KIF1B: variants seen among roughly 807,000 people sequenced by gnomAD.
KIF1B encodes the protein kinesin-like protein KIF1B.
KIF1B carries 76 observed loss-of-function variants against 241.9 expected under a neutral mutation model. That is an observed-to-expected ratio of 0.31 (90% CI 0.26 to 0.38). KIF1B has a LOEUF of 0.38. Ranked by LOEUF, KIF1B falls within the 10% of genes least tolerant of loss-of-function variation. The probability of loss-of-function intolerance (pLI) is 1.00; values close to 1 mark genes in which losing one functional copy is unlikely to be tolerated. For missense variants in KIF1B, 1,622 were observed against 2,271.4 expected, an observed-to-expected ratio of 0.71 and a Z score of 5.81; for synonymous variants, 750 against 796.7, an observed-to-expected ratio of 0.94 and a Z score of 0.99.
intron 16 of KIF1B, 89 bp from the exon 17 acceptor site, chr1:10,291,957 TG>T: frequency 9.2e-7 from 1 of 1,082,894 alleles, no homozygotes; most frequent in East Asian, 2.4e-5. Context: ...CAGTTGTTTT[TG>T]CTTTGCAGGC....
chr1:10,232,120 A>G, intron 1 of KIF1B, 130 bp from the exon 2 acceptor site: 1 of 533,064 alleles, frequency 1.9e-6, no homozygotes, highest in Non-Finnish European at 3.4e-6. Flanking sequence ...TTTGCACGGG[A>G]GAAAAGGGAT....
intron 1 of KIF1B, among the ~76,000 whole-genome samples, chr1:10,215,019 A>G (rs1168337179): frequency 2.0e-5 from 3 of 151,248 alleles, no homozygotes; most frequent in Non-Finnish European, 4.4e-5. Flanking sequence ...GTATGTACAT[A>G]ATACTGTACT....
At chr1:10,234,513 T>TTTTG (rs35282199) in intron 2 of KIF1B, among the ~76,000 whole-genome samples, 51,943 of 150,540 alleles carry the variant, frequency 0.35, 9,029 homozygotes, top group Admixed American at 0.38. Flanking sequence ...TGGCTGTTTT[T>TTTTG]TTTGTTTGTT....
Position 10,378,610 on chromosome 1 carries a change from T to G in KIF1B, c.*2023T>G, listed in dbSNP as rs1186585149. 5 of 591,284 alleles carry G rather than the reference T, an allele frequency of 8.5e-6. No homozygotes were observed. The highest frequency in any genetic ancestry group is 1.5e-5 in the Non-Finnish European group (5 of 330,978). 36.6% of individuals were successfully genotyped at this position (591,284 alleles called of 1,614,324 possible). On this transcript the variant is annotated 3_prime_UTR_variant, in exon 49 of 49. Coordinates refer to ENST00000676179, the MANE Select transcript of KIF1B (RefSeq NM_001365951.3). ...TGCTGACTCTCAGGCGTTAGGCAGCTGGATGACTTCCCGCTTCACGCAGCA... is the reference window on the plus strand; with the variant it reads ...TGCTGACTCTCAGGCGTTAGGCAGCGGGATGACTTCCCGCTTCACGCAGCA...
In KIF1B at chr1:10,337,661, G is replaced by T; in HGVS notation, c.3422+128G>T. ...AGACAAAGACTGATCAGTCTCTGAA[G>T]GAAAATACTTTCATCACTCCTATGG... On this transcript the variant is annotated intron_variant, in intron 31 of 48. Coordinates refer to ENST00000676179, the MANE Select transcript of KIF1B (RefSeq NM_001365951.3). This position sits in a 1 kb window ranked among gnomAD's most constrained non-coding sequence, Gnocchi z 4.0. 9.4e-7 allele frequency: 1 copy of T among 1,064,858 alleles called. No individual in the cohort carries two copies. 66.0% of individuals were successfully genotyped at this position (1,064,858 alleles called of 1,614,324 possible).
intron 15 of KIF1B, among the ~76,000 whole-genome samples, chr1:10,284,502 A>G (rs1181455430): frequency 6.6e-6 from 1 of 152,096 alleles, no homozygotes; most frequent in Non-Finnish European, 1.5e-5. Flanking sequence ...CCTGGCCAAC[A>G]TGGTGAAACC....
chr1:10,214,848 T>C (rs1248916061), intron 1 of KIF1B, among the ~76,000 whole-genome samples: 1 of 152,010 alleles, frequency 6.6e-6, no homozygotes, highest in Non-Finnish European at 1.5e-5. Flanking sequence ...CCCAAAGTGT[T>C]GGGATTACAG....
chr1:10,315,430 C>T (rs1247911936), intron 22 of KIF1B, among the ~76,000 whole-genome samples: 1 of 151,016 alleles, frequency 6.6e-6, no homozygotes, highest in Non-Finnish European at 1.5e-5. Context: ...CCTGCCTCGG[C>T]CTCCCAAAGT....
At chr1:10,355,807 T>G (rs1473060888) in intron 38 of KIF1B, among the ~76,000 whole-genome samples, 3 of 152,246 alleles carry the variant, frequency 2.0e-5, no homozygotes, top group African/African-American at 7.2e-5. Flanking sequence ...AACTGTTCAC[T>G]TTCTTCTCTG....
chr1:10,340,803 A>G (rs1325265947), intron 32 of KIF1B, among the ~76,000 whole-genome samples: 1 of 152,182 alleles, frequency 6.6e-6, no homozygotes, highest in African/African-American at 2.4e-5. Flanking sequence ...TAATAATAAA[A>G]ATAAAGTTAC....
At chr1:10,292,513 A>G (rs1650049275) in intron 17 of KIF1B, among the ~76,000 whole-genome samples, 1 of 152,158 alleles carries the variant, frequency 6.6e-6, no homozygotes, top group African/African-American at 2.4e-5. Flanking sequence ...TTTTGGAACC[A>G]ATTTCAGCTG....
rs183027045 is a variant in KIF1B at position 10,290,551 on chromosome 1, G to A, written c.1435-531G>A. ...GGCTGCAGTGCAGTGGCGCGATCTC[G>A]GCTCGCTGCAAGCTCTGCCTCCCGG... On this transcript the variant is annotated intron_variant, in intron 15 of 48. Coordinates refer to ENST00000676179, the MANE Select transcript of KIF1B (RefSeq NM_001365951.3). 2.2e-3 allele frequency among the ~76,000 whole-genome samples: 335 copies of A among 151,514 alleles called. 1 individual carries two copies. The highest frequency in any genetic ancestry group is 7.7e-3 in the African/African-American group (319 of 41,346).
chr1:10,245,425 A>G (rs1421996583), intron 2 of KIF1B, among the ~76,000 whole-genome samples: 1 of 152,160 alleles, frequency 6.6e-6, no homozygotes, highest in Non-Finnish European at 1.5e-5. Context: ...TCTTGGATAA[A>G]AGTCTTCAAG....
At chr1:10,241,393 C>T (rs1295713361) in intron 2 of KIF1B, among the ~76,000 whole-genome samples, 1 of 152,128 alleles carries the variant, frequency 6.6e-6, no homozygotes, top group Non-Finnish European at 1.5e-5. Flanking sequence ...CATGAGCCAC[C>T]ATGCCAAGCC....
At chr1:10,290,435 C>A (rs559162714) in intron 15 of KIF1B, among the ~76,000 whole-genome samples, 2 of 152,106 alleles carry the variant, frequency 1.3e-5, no homozygotes, top group Admixed American at 6.5e-5. Context: ...TGTGTTATGG[C>A]GAAATTGTAG....
Position 10,326,435 on chromosome 1 carries a change from G to C in KIF1B, c.2924+76G>C. The stretch of plus-strand genomic sequence containing the variant: ...AAGGCCTCCCTGCTTGCACAATTTT[G>C]GATAACCTTGCATTAGCCAATTCAA... On this transcript the variant is annotated intron_variant, in intron 27 of 48. Coordinates refer to ENST00000676179, the MANE Select transcript of KIF1B (RefSeq NM_001365951.3). This position sits in a 1 kb window ranked among gnomAD's most constrained non-coding sequence, Gnocchi z 5.2. 1 of 1,593,502 alleles carries C rather than the reference G, an allele frequency of 6.3e-7. No individual in the cohort carries two copies. The highest frequency in any genetic ancestry group is 1.1e-5 in the South Asian group (1 of 90,172).
intron 2 of KIF1B, among the ~76,000 whole-genome samples, chr1:10,241,242 CTGGGG>C (rs1647132990): frequency 6.6e-6 from 1 of 151,874 alleles, no homozygotes. Context: ...CCCCTAGTAG[CTGGGG>C]CTACAGCCAC....
intron 28 of KIF1B, 90 bp from the exon 29 acceptor site, chr1:10,336,567 G>T: frequency 1.0e-6 from 1 of 1,001,140 alleles, no homozygotes; most frequent in South Asian, 1.3e-5. Flanking sequence ...TCATGCCAAA[G>T]ACTTGAGTTT....
intron 38 of KIF1B, among the ~76,000 whole-genome samples, chr1:10,357,820 C>T (rs1638294276): frequency 6.6e-6 from 1 of 151,892 alleles, no homozygotes; most frequent in African/African-American, 2.4e-5. Flanking sequence ...ACCAGCCTGG[C>T]CAACATGGTG....
Sources: gnomAD v4.1 joint callset for allele counts (sites outside exome capture counted in the v4.1 genomes callset) on GRCh38, gnomAD v4.1.1 for gene constraint, Gnocchi (gnomAD v3.1) non-coding constraint, MANE v1.5 for transcripts, NCBI Gene and HGNC (gene_info 2026-07-23, HGNC 2026-07-21) for gene names.